Variants in CLASP1 observed in about 807,000 individuals in gnomAD.
The protein encoded by CLASP1 is cytoplasmic linker associated protein 1.
In CLASP1, 38 loss-of-function variants were observed where a neutral mutation model predicts 192.3. The observed-to-expected ratio is 0.20, with a 90% CI of 0.15 to 0.26. CLASP1 has a LOEUF of 0.26. CLASP1 is among the 10% of genes least tolerant of loss of function. CLASP1 has a pLI of 1.00. For synonymous variants in CLASP1, 691 were observed against 712.8 expected (o/e 0.97, Z 0.49); for missense variants, 1,433 against 1,932.5 (o/e 0.74, Z 4.85).
At chr2:121,357,865 T>C (rs2065704902) in intron 37 of CLASP1, among the ~76,000 whole-genome samples, 1 of 152,226 alleles carries the variant, frequency 6.6e-6, no homozygotes, top group Non-Finnish European at 1.5e-5. Context: ...CTTGGCCACA[T>C]GGCCTTGGCT....
chr2:121,619,538 AAAC>A (rs1271385008), intron 1 of CLASP1, among the ~76,000 whole-genome samples: 10 of 152,316 alleles, frequency 6.6e-5, no homozygotes, highest in Non-Finnish European at 8.8e-5. Context: ...CTGCAAAAAC[AAAC>A]AACAACAACA....
chr2:121,514,205 A>G (rs1359815240), intron 7 of CLASP1, among the ~76,000 whole-genome samples: 1 of 152,246 alleles, frequency 6.6e-6, no homozygotes, highest in Non-Finnish European at 1.5e-5. Flanking sequence ...CCTCCTGTTA[A>G]GATGGAAACT....
At chr2:121,380,187 C>T (rs746326229) in intron 33 of CLASP1, among the ~76,000 whole-genome samples, 102 of 152,282 alleles carry the variant, frequency 6.7e-4, no homozygotes, top group Non-Finnish European at 1.2e-3. Context: ...AAAGGAACTT[C>T]CCATGGAAGC....
chr2:121,434,719 G>A (rs1021430802), intron 19 of CLASP1, among the ~76,000 whole-genome samples: 2 of 152,174 alleles, frequency 1.3e-5, no homozygotes, highest in African/African-American at 4.8e-5. Flanking sequence ...GCTGGGTGCA[G>A]TGGCTCACAC....
rs767559575 is a variant in CLASP1, at chr2:121,404,329, C to A, written c.2733+42G>T. The A allele has an allele frequency of 1.5e-5, 24 of 1,601,856 alleles. No homozygotes were observed. The South Asian group carries it at 2.5e-4, about 17-fold the overall frequency. On this transcript the variant is annotated intron_variant, in intron 26 of 39. Transcript: ENST00000263710. Reference sequence around the variant, plus strand: ...TAGTATATCACACAGAGCACACAGACATGCAGGGGTAAAGACAGGGCAGGC... The same window carrying A: ...TAGTATATCACACAGAGCACACAGAAATGCAGGGGTAAAGACAGGGCAGGC...
At chr2:121,431,830 A>G (rs560814813) in intron 19 of CLASP1, among the ~76,000 whole-genome samples, 15 of 151,040 alleles carry the variant, frequency 9.9e-5, no homozygotes, top group African/African-American at 2.9e-4. Context: ...TTTTTAAATT[A>G]TAACACAAGG....
rs185875687 is a variant in CLASP1 at position 121,497,959 on chromosome 2, T to G, written c.712+5208A>C. On this transcript the variant is annotated intron_variant, in intron 8 of 39. Coordinates refer to ENST00000263710, the Ensembl canonical transcript of CLASP1. ...CCAGGATGGTCTCAATCTCCTGACC[T>G]CGTGATCCGCCCGCCTTGGCCTCCC... Among the ~76,000 whole-genome samples, 400 of 152,240 alleles carry G rather than the reference T, an allele frequency of 2.6e-3. 1 individual carries two copies. The highest frequency in any genetic ancestry group is 8.8e-3 in the African/African-American group (367 of 41,564).
intron 2 of CLASP1, among the ~76,000 whole-genome samples, chr2:121,561,562 A>G (rs1440164348): frequency 6.6e-6 from 1 of 152,208 alleles, no homozygotes; most frequent in African/African-American, 2.4e-5. Context: ...TGGGCCACAC[A>G]TAAAATACAC....
chr2:121,403,509 G>A, intron 26 of CLASP1: 1 of 456,712 alleles, frequency 2.2e-6, no homozygotes, highest in South Asian at 1.5e-5. Context: ...ACTTGGAGGA[G>A]CCCATCTTTA....
intron 5 of CLASP1, among the ~76,000 whole-genome samples, chr2:121,527,197 A>C (rs866619693): frequency 1.3e-5 from 2 of 152,262 alleles, no homozygotes; most frequent in Admixed American, 1.3e-4. Context: ...GAATGTTCAT[A>C]GCAGCTTTAT....
chr2:121,627,669 A>G (rs756456312), intron 1 of CLASP1, among the ~76,000 whole-genome samples: 1 of 152,102 alleles, frequency 6.6e-6, no homozygotes, highest in Non-Finnish European at 1.5e-5. Flanking sequence ...CAAGATTCAT[A>G]CTCCTCAGTA....
chr2:121,537,412 A>C (rs1472098256), intron 2 of CLASP1, among the ~76,000 whole-genome samples: 1 of 151,438 alleles, frequency 6.6e-6, no homozygotes, highest in African/African-American at 2.4e-5. Context: ...AAAAAGAGAG[A>C]GAGAGAGAGA....
intron 19 of CLASP1, among the ~76,000 whole-genome samples, chr2:121,435,771 C>A (rs1232676066): frequency 6.6e-6 from 1 of 152,142 alleles, no homozygotes; most frequent in Non-Finnish European, 1.5e-5. Context: ...TAAAATTAAA[C>A]CTCTTTGAGA....
chr2:121,377,712 A>G (rs1372079593), intron 33 of CLASP1, 63 bp from the exon 35 acceptor site: 1 of 1,104,644 alleles, frequency 9.1e-7, no homozygotes, highest in Non-Finnish European at 1.3e-6. Flanking sequence ...AGATATGGGC[A>G]TAAGTTACTT....
chr2:121,472,586 C>T (rs894742524), intron 8 of CLASP1, among the ~76,000 whole-genome samples: 1 of 152,128 alleles, frequency 6.6e-6, no homozygotes, highest in Non-Finnish European at 1.5e-5. Context: ...TTAAATACTG[C>T]AGACAGTAAA....
At chr2:121,642,743 C>CA (rs2072383952) in intron 1 of CLASP1, among the ~76,000 whole-genome samples, 1 of 152,062 alleles carries the variant, frequency 6.6e-6, no homozygotes, top group Non-Finnish European at 1.5e-5. Context: ...AAAAAAATCT[C>CA]AAACAGTTTA....
chr2:121,514,193 A>T, intron 7 of CLASP1, among the ~76,000 whole-genome samples: 1 of 152,236 alleles, frequency 6.6e-6, no homozygotes, highest in East Asian at 1.9e-4. Context: ...ACACAGAGGA[A>T]GCCTCCTGTT....
chr2:121,363,284 A>G (rs2066753207), exon 37 of CLASP1: 2 of 1,613,898 alleles, frequency 1.2e-6, no homozygotes, highest in Non-Finnish European at 1.7e-6. Flanking sequence ...TCTTAACGCC[A>G]GTGCTCGAAT....
At chr2:121,400,643 A>G (rs1384079272) in intron 28 of CLASP1, among the ~76,000 whole-genome samples, 1 of 152,206 alleles carries the variant, frequency 6.6e-6, no homozygotes, top group East Asian at 1.9e-4. Context: ...CACTAACACA[A>G]AGTCAAGGCA....
Sources: allele counts gnomAD v4.1 joint callset (sites outside exome capture counted in the v4.1 genomes callset), GRCh38; gene constraint gnomAD v4.1.1; transcripts MANE v1.5; gene names NCBI Gene and HGNC (gene_info 2026-07-23, HGNC 2026-07-21).